DTWD2: variants seen among roughly 807,000 people sequenced by gnomAD.
The protein encoded by DTWD2 is tRNA-uridine aminocarboxypropyltransferase 2.
Under a neutral mutation model 31.8 loss-of-function variants are expected in DTWD2, and 39 were observed. The ratio of observed to expected loss-of-function variants is 1.22; its 90% CI spans 0.95 to 1.60. DTWD2 has a LOEUF of 1.60. Among genes scored for constraint, DTWD2 ranks in the 40% most tolerant of loss-of-function variants. DTWD2 has a pLI of 0.00. For missense variants in DTWD2, 515 were observed against 381.5 expected (o/e 1.35, Z -2.92); for synonymous variants, 180 against 142.8 (o/e 1.26, Z -1.86).
intron 5 of DTWD2, among the ~76,000 whole-genome samples, chr5:118,841,421 A>G (rs1377123905): frequency 1.3e-5 from 2 of 152,240 alleles, no homozygotes; most frequent in Non-Finnish European, 2.9e-5. Flanking sequence ...CAAGGAGACT[A>G]AATGAGACAT....
At chr5:118,964,972 C>T (rs1253920486) in intron 1 of DTWD2, among the ~76,000 whole-genome samples, 20 of 151,492 alleles carry the variant, frequency 1.3e-4, no homozygotes, top group Non-Finnish European at 1.9e-4. Flanking sequence ...TCTTCCCGGC[C>T]GCCATCCCAT....
In DTWD2 at chr5:118,839,940, T is replaced by C. The variant is rs1751671316; in HGVS notation, c.*977A>G. 1 of 152,160 alleles carries C rather than the reference T, an allele frequency of 6.6e-6. No homozygotes were observed. The highest frequency in any genetic ancestry group is 6.5e-5 in the Admixed American group (1 of 15,272). 9.4% of individuals were successfully genotyped at this position (152,160 alleles called of 1,614,324 possible). ...ACTTAACACTAGATACAGGAAACTC[T>C]AGAACTCATAAACAAAGACTAAACA... On this transcript the variant is annotated 3_prime_UTR_variant, in exon 6 of 6. Transcript: ENST00000510708.
chr5:118,916,279 A>G (rs1180878566), intron 4 of DTWD2, among the ~76,000 whole-genome samples: 1 of 152,190 alleles, frequency 6.6e-6, no homozygotes, highest in Non-Finnish European at 1.5e-5. Flanking sequence ...GAAACAAAGG[A>G]TATGTGGTCC....
chr5:118,934,647 G>A (rs1753997597), intron 3 of DTWD2, among the ~76,000 whole-genome samples: 2 of 151,908 alleles, frequency 1.3e-5, no homozygotes, highest in African/African-American at 4.8e-5. Context: ...ACATAAAAGA[G>A]GAACAAAAGA....
chr5:118,923,343 A>G (rs928934252), intron 4 of DTWD2, among the ~76,000 whole-genome samples: 3 of 152,212 alleles, frequency 2.0e-5, no homozygotes, highest in Non-Finnish European at 4.4e-5. Context: ...TACTAACATT[A>G]AAGTGTTAGT....
chr5:118,948,860 G>A (rs1464616866), intron 1 of DTWD2, among the ~76,000 whole-genome samples: 1 of 152,122 alleles, frequency 6.6e-6, no homozygotes, highest in African/African-American at 2.4e-5. Flanking sequence ...CTTTTTGTGA[G>A]TTTATATAAC....
chr5:118,929,612 T>G (rs1753880068), intron 3 of DTWD2, among the ~76,000 whole-genome samples: 1 of 152,220 alleles, frequency 6.6e-6, no homozygotes, highest in Non-Finnish European at 1.5e-5. Flanking sequence ...TAAATTCCTT[T>G]AAATTTAATT....
At chr5:118,983,219 G>C (rs1193033318) in intron 1 of DTWD2, among the ~76,000 whole-genome samples, 2 of 152,142 alleles carry the variant, frequency 1.3e-5, no homozygotes, top group Non-Finnish European at 2.9e-5. Flanking sequence ...ACGACTGGGA[G>C]CTACAGTGAC....
chr5:118,960,782 A>G (rs998582162), intron 1 of DTWD2, among the ~76,000 whole-genome samples: 1 of 152,202 alleles, frequency 6.6e-6, no homozygotes, highest in Admixed American at 6.5e-5. Flanking sequence ...TTAGAGCAAC[A>G]TGGAGCTGGA....
intron 1 of DTWD2, chr5:118,973,949 G>A (rs1755062166): frequency 7.6e-6 from 12 of 1,586,908 alleles, no homozygotes; most frequent in Non-Finnish European, 1.0e-5. Context: ...TGACAATGAG[G>A]TAGATGAAGA....
intron 1 of DTWD2, among the ~76,000 whole-genome samples, chr5:118,955,905 CA>C (rs1474455600): frequency 2.0e-5 from 3 of 151,654 alleles, no homozygotes; most frequent in Non-Finnish European, 4.4e-5. Flanking sequence ...AATGAATATT[CA>C]TTTTTTTTTA....
At chr5:118,887,477 C>G (rs1414795781) in intron 4 of DTWD2, among the ~76,000 whole-genome samples, 1 of 152,184 alleles carries the variant, frequency 6.6e-6, no homozygotes, top group Non-Finnish European at 1.5e-5. Flanking sequence ...CTGACTATCC[C>G]TAAGACAGAT....
chr5:118,950,305 C>G (rs1282078980), intron 1 of DTWD2, among the ~76,000 whole-genome samples: 3 of 151,594 alleles, frequency 2.0e-5, no homozygotes, highest in Non-Finnish European at 2.9e-5. Flanking sequence ...CCATCAATAC[C>G]TACAACAGTT....
intron 4 of DTWD2, among the ~76,000 whole-genome samples, chr5:118,861,113 G>T (rs572456916): frequency 6.6e-6 from 1 of 152,120 alleles, no homozygotes; most frequent in Non-Finnish European, 1.5e-5. Flanking sequence ...TCACATAGAA[G>T]GGTTCTAAAA....
chr5:118,885,836 G>A (rs550808559), intron 4 of DTWD2, among the ~76,000 whole-genome samples: 37 of 152,062 alleles, frequency 2.4e-4, no homozygotes, highest in Admixed American at 2.4e-3. Flanking sequence ...ATGGTAACAT[G>A]CAACTGTAGT....
chr5:118,913,327 G>C (rs970380528), intron 4 of DTWD2, among the ~76,000 whole-genome samples: 7 of 150,692 alleles, frequency 4.6e-5, no homozygotes, highest in African/African-American at 1.7e-4. Context: ...ACTCTTCCCT[G>C]GGTCTTCAGC....
chr5:118,865,993 T>A (rs1223960873), intron 4 of DTWD2, among the ~76,000 whole-genome samples: 1 of 149,474 alleles, frequency 6.7e-6, no homozygotes, highest in Admixed American at 6.6e-5. Context: ...TACGTGTGTC[T>A]GCGTGTGTGT....
At chr5:118,920,091 T>C (rs540643040) in intron 4 of DTWD2, among the ~76,000 whole-genome samples, 14 of 151,956 alleles carry the variant, frequency 9.2e-5, no homozygotes, top group South Asian at 2.1e-4. Context: ...ATGAAAAAAA[T>C]TGTCTTCCAC....
At chr5:118,960,937 G>T (rs920892216) in intron 1 of DTWD2, among the ~76,000 whole-genome samples, 1 of 152,072 alleles carries the variant, frequency 6.6e-6, no homozygotes, top group Non-Finnish European at 1.5e-5. Context: ...GTGGAGGGTG[G>T]GAAGAGGGTG....
Sources: allele counts gnomAD v4.1 joint callset (sites outside exome capture counted in the v4.1 genomes callset), GRCh38; gene constraint gnomAD v4.1.1; transcripts MANE v1.5; gene names NCBI Gene and HGNC (gene_info 2026-07-23, HGNC 2026-07-21).